Variants in NXN observed in about 807,000 individuals in gnomAD.
NXN encodes nucleoredoxin 1.
NXN carries 16 observed loss-of-function variants against 48.6 expected under a neutral mutation model. The ratio of observed to expected loss-of-function variants is 0.33; its 90% CI spans 0.22 to 0.50. The LOEUF (loss-of-function observed/expected upper bound fraction) is 0.50. Ranked by LOEUF, NXN falls within the 20% of genes least tolerant of loss-of-function variation. NXN has a pLI of 0.98. For missense variants in NXN, 492 were observed against 605.5 expected, an observed-to-expected ratio of 0.81 and a Z score of 1.97; for synonymous variants, 281 against 269.6, an observed-to-expected ratio of 1.04 and a Z score of -0.41.
At chr17:895,525 C>T (rs2940809) in intron 1 of NXN, among the ~76,000 whole-genome samples, 144,534 of 151,750 alleles carry the variant, frequency 0.95, 68,990 homozygotes, top group African/African-American at 0.99. Flanking sequence ...TAAAAAGACC[C>T]AATGTGGCCG....
At chr17:976,768 CTTTTT>C (rs397962595) in intron 1 of NXN, among the ~76,000 whole-genome samples, 1 of 142,562 alleles carries the variant, frequency 7.0e-6, no homozygotes, top group Non-Finnish European at 1.5e-5. Flanking sequence ...AAAATAATTC[CTTTTT>C]TTTTTTTTTT....
rs576853177 is a variant in NXN at position 955,901 on chromosome 17, C to CA, written c.360+23417dup. On this transcript the variant is annotated intron_variant, in intron 1 of 7. Coordinates refer to ENST00000336868, the MANE Select transcript of NXN (RefSeq NM_022463.5). ...TGGGCGACAGAGCGAGACTCCATCT[C>CA]AAAAAAAAAAAAGAGAGAGAGAGAG... 3.4e-3 allele frequency among the ~76,000 whole-genome samples: 444 copies of CA among 130,846 alleles called. 1 individual carries two copies. Among genetic ancestry groups the CA allele is most frequent in the Non-Finnish European group, 4.4e-3 (265 of 60,708 alleles). 85.8% of individuals were successfully genotyped at this position (130,846 alleles called of 152,430 possible). A position where few individuals can be genotyped will look rare whatever the true frequency, so the allele number is the denominator to read the frequency against.
At chr17:890,568 G>C (rs2068405630) in intron 1 of NXN, among the ~76,000 whole-genome samples, 1 of 147,132 alleles carries the variant, frequency 6.8e-6, no homozygotes, top group African/African-American at 2.7e-5. Context: ...TTTTAGTAGA[G>C]ATGGGGTTTT....
At chr17:887,288 G>T (rs1487312958) in intron 1 of NXN, among the ~76,000 whole-genome samples, 1 of 152,170 alleles carries the variant, frequency 6.6e-6, no homozygotes, top group African/African-American at 2.4e-5. Flanking sequence ...CAGGCAAGTG[G>T]CCACAGCGAC....
chr17:833,615 G>GA (rs1445282202), intron 1 of NXN, among the ~76,000 whole-genome samples: 1 of 152,136 alleles, frequency 6.6e-6, no homozygotes, highest in Non-Finnish European at 1.5e-5. Flanking sequence ...TTTCAGCAGA[G>GA]AAAAAGGCAC....
chr17:898,388 ATTCCC>A (rs2068509636), intron 1 of NXN, among the ~76,000 whole-genome samples: 1 of 26,312 alleles, frequency 3.8e-5, no homozygotes, highest in African/African-American at 6.7e-5. Context: ...TTACCTACTA[ATTCCC>A]ACTCTGCCAT....
chr17:961,645 C>T (rs957038217), intron 1 of NXN, among the ~76,000 whole-genome samples: 2 of 152,158 alleles, frequency 1.3e-5, no homozygotes, highest in Admixed American at 1.3e-4. Flanking sequence ...GACATTAATT[C>T]CCCTTCCCTT....
At chr17:965,246 C>G (rs377357815) in intron 1 of NXN, among the ~76,000 whole-genome samples, 1 of 152,138 alleles carries the variant, frequency 6.6e-6, no homozygotes. Flanking sequence ...TCGTGACCAG[C>G]AACCCACCGA....
intron 1 of NXN, among the ~76,000 whole-genome samples, chr17:938,852 G>A (rs986437861): frequency 5.3e-5 from 8 of 152,046 alleles, no homozygotes; most frequent in African/African-American, 1.9e-4. Context: ...TTGAGGCCAG[G>A]GGTTCAAGAC....
intron 1 of NXN, chr17:877,756 A>G (rs1167347977): frequency 6.6e-6 from 1 of 152,266 alleles, no homozygotes. Context: ...GAGCGACTGA[A>G]GAGGAAAGGC....
At chr17:802,347 C>G (rs1911252579) in intron 7 of NXN, among the ~76,000 whole-genome samples, 1 of 152,190 alleles carries the variant, frequency 6.6e-6, no homozygotes, top group South Asian at 2.1e-4. Context: ...AGCCAGCAAA[C>G]TGCCTTGGAG....
rs916228210 is a variant in NXN, at chr17:917,845, G to A, written c.360+61474C>T. On this transcript the variant is annotated intron_variant, in intron 1 of 7. Coordinates refer to ENST00000336868, the MANE Select transcript of NXN (RefSeq NM_022463.5). The surrounding 1 kb of genome is among the most constrained non-coding windows in gnomAD (Gnocchi z 4.5). The stretch of plus-strand genomic sequence containing the variant: ...AAAGGGGATAAGCGACAGGAGAGGG[G>A]GGACTCCCGTTCCAAACAAAGGGGA... Among the ~76,000 whole-genome samples, 1 of 152,200 alleles carries A rather than the reference G, an allele frequency of 6.6e-6. No homozygotes were observed. Among genetic ancestry groups the A allele is most frequent in the Non-Finnish European group, 1.5e-5 (1 of 68,042 alleles).
rs768679438 is a variant in NXN at position 822,383 on chromosome 17, G to A, written c.687C>T (p.Phe229=). Residue 229 remains phenylalanine (F), a synonymous_variant, in exon 4 of 8, where the codon TTC becomes TTT. Coordinates refer to ENST00000336868, the MANE Select transcript of NXN (RefSeq NM_022463.5). ...YRKIKEAGQN[F]EIIFVSADRS... ...TGTCTGCACTAACGAAGATGATCTC[G>A]AAGTTCTGGCCTGCCTCCTTGATCT... is the stretch of plus-strand genomic sequence containing the variant. 3.1e-6 allele frequency: 5 copies of A among 1,614,070 alleles called. No individual in the cohort carries two copies. The highest frequency in any genetic ancestry group is 1.1e-5 in the South Asian group (1 of 91,074).
At position 891,899 on chromosome 17, in the gene NXN, G is replaced by A. The variant is rs1348334445; in HGVS notation, c.361-65821C>T. Among the ~76,000 whole-genome samples, 6 of 131,658 alleles carry A rather than the reference G, an allele frequency of 4.6e-5. No individual in the cohort carries two copies. In the South Asian group the frequency reaches 1.2e-3, roughly 27 times the overall value. 86.4% of individuals were successfully genotyped at this position (131,658 alleles called of 152,430 possible). ...TAACCCCACCATGTACAACCCAACA[G>A]GGAACCTAAACTAACCCCACCATGC... On this transcript the variant is annotated intron_variant, in intron 1 of 7. Coordinates refer to ENST00000336868, the MANE Select transcript of NXN (RefSeq NM_022463.5).
chr17:892,439 C>T (rs998175870), intron 1 of NXN, among the ~76,000 whole-genome samples: 3 of 152,218 alleles, frequency 2.0e-5, no homozygotes, highest in Admixed American at 6.5e-5. Flanking sequence ...CCAGGACTCT[C>T]CAAATCCACC....
intron 1 of NXN, among the ~76,000 whole-genome samples, chr17:962,046 A>G (rs944776894): frequency 1.3e-5 from 2 of 152,136 alleles, no homozygotes; most frequent in African/African-American, 4.8e-5. Flanking sequence ...GAGGCAGGAG[A>G]ATCACTTGAA....
At chr17:957,128 C>T (rs1246785533) in intron 1 of NXN, among the ~76,000 whole-genome samples, 1 of 137,034 alleles carries the variant, frequency 7.3e-6, no homozygotes, top group Non-Finnish European at 1.6e-5. Context: ...CCTGGCGGAG[C>T]TGAGACAAGG....
At chr17:879,440 C>T (rs2068259490) in intron 1 of NXN, among the ~76,000 whole-genome samples, 1 of 151,814 alleles carries the variant, frequency 6.6e-6, no homozygotes, top group Admixed American at 6.6e-5. Flanking sequence ...CAGGCGCCCA[C>T]CATGCCAGGC....
chr17:885,447 A>G (rs1027043449), intron 1 of NXN, among the ~76,000 whole-genome samples: 4 of 151,896 alleles, frequency 2.6e-5, no homozygotes, highest in African/African-American at 9.7e-5. Context: ...ACTACACTCC[A>G]GCCTGGGCAA....
Sources: gnomAD v4.1 joint callset for allele counts (sites outside exome capture counted in the v4.1 genomes callset) on GRCh38, gnomAD v4.1.1 for gene constraint, Gnocchi (gnomAD v3.1) non-coding constraint, MANE v1.5 for transcripts, NCBI Gene and HGNC (gene_info 2026-07-23, HGNC 2026-07-21) for gene names.